DNM3: variants seen among roughly 807,000 people sequenced by gnomAD.
The protein encoded by DNM3 is dynamin 3, also known as dynamin-3.
DNM3 carries 47 observed loss-of-function variants against 101.6 expected under a neutral mutation model. The ratio of observed to expected loss-of-function variants is 0.46; its 90% CI spans 0.37 to 0.59. The LOEUF (loss-of-function observed/expected upper bound fraction) is 0.59, where lower values mean the gene tolerates loss of function less well. Among genes scored for constraint, DNM3 ranks in the 20% least tolerant of loss-of-function variants. The pLI is 0.00. For missense variants in DNM3, 849 were observed against 1,085.7 expected (o/e 0.78, Z 3.06); for synonymous variants, 385 against 387.9 (o/e 0.99, Z 0.09).
chr1:172,018,127 G>A (rs926170251), intron 4 of DNM3, among the ~76,000 whole-genome samples: 10 of 151,932 alleles, frequency 6.6e-5, no homozygotes, highest in Non-Finnish European at 1.0e-4. Context: ...ATATATAGTT[G>A]TATCTTGTTG....
chr1:172,359,255 G>A (rs556027903), intron 17 of DNM3, among the ~76,000 whole-genome samples: 3 of 152,026 alleles, frequency 2.0e-5, no homozygotes, highest in African/African-American at 7.2e-5. Context: ...CCAGCCAGCC[G>A]TTGTGTAAGC....
intron 4 of DNM3, among the ~76,000 whole-genome samples, chr1:172,004,308 A>G (rs148569235): frequency 4.6e-4 from 70 of 152,160 alleles, no homozygotes; most frequent in Middle Eastern, 3.4e-3. Flanking sequence ...TACAGCTGGA[A>G]CAAGTCCAGG....
chr1:172,374,039 A>G (rs2068482610), intron 17 of DNM3, among the ~76,000 whole-genome samples: 1 of 152,000 alleles, frequency 6.6e-6, no homozygotes, highest in South Asian at 2.1e-4. Context: ...TAGCTCCCCA[A>G]CTTTGGGACA....
intron 6 of DNM3, among the ~76,000 whole-genome samples, chr1:172,033,989 C>T (rs184935627): frequency 3.3e-5 from 5 of 152,264 alleles, no homozygotes; most frequent in Admixed American, 2.0e-4. Flanking sequence ...TGATCAGCAG[C>T]CTTTCTCACA....
intron 17 of DNM3, chr1:172,376,690 A>G (rs1029847082): frequency 6.6e-6 from 1 of 152,086 alleles, no homozygotes; most frequent in Non-Finnish European, 1.5e-5. Context: ...ACTCCCCATC[A>G]TGTCCACTGT....
chr1:171,871,510 G>T (rs528220203), intron 1 of DNM3, among the ~76,000 whole-genome samples: 37 of 152,292 alleles, frequency 2.4e-4, no homozygotes, highest in African/African-American at 8.7e-4. Flanking sequence ...TGGGATCATT[G>T]TTCAGTGCAT....
intron 14 of DNM3, among the ~76,000 whole-genome samples, chr1:172,174,391 T>C (rs2059078779): frequency 6.6e-6 from 1 of 151,690 alleles, no homozygotes; most frequent in Non-Finnish European, 1.5e-5. Context: ...GAATATGCTC[T>C]GTTTTGAAAT....
chr1:172,098,670 G>A (rs775940557), intron 13 of DNM3, among the ~76,000 whole-genome samples: 9 of 152,202 alleles, frequency 5.9e-5, no homozygotes, highest in Non-Finnish European at 1.2e-4. Context: ...TTCAAAGACT[G>A]CAGTAAAGAC....
intron 20 of DNM3, among the ~76,000 whole-genome samples, chr1:172,392,305 A>G (rs1282419011): frequency 6.6e-6 from 1 of 152,236 alleles, no homozygotes; most frequent in Non-Finnish European, 1.5e-5. Flanking sequence ...TTGAGTATAC[A>G]CAAATCAGTG....
intron 14 of DNM3, among the ~76,000 whole-genome samples, chr1:172,180,269 G>A (rs2059298221): frequency 6.6e-6 from 1 of 152,086 alleles, no homozygotes; most frequent in African/African-American, 2.4e-5. Context: ...TTTACTGCAT[G>A]CTAACCAACA....
chr1:171,977,398 T>G (rs2044456779), intron 2 of DNM3, among the ~76,000 whole-genome samples: 1 of 152,150 alleles, frequency 6.6e-6, no homozygotes, highest in African/African-American at 2.4e-5. Context: ...ACAGATGTGT[T>G]GCGAACAGCA....
intron 1 of DNM3, among the ~76,000 whole-genome samples, chr1:171,847,620 T>G (rs2032326000): frequency 6.6e-6 from 1 of 152,150 alleles, no homozygotes; most frequent in Non-Finnish European, 1.5e-5. Flanking sequence ...AGATCAAGTA[T>G]TTTATAAGGA....
At chr1:172,413,207 C>T (rs2071305639), downstream of DNM3, among the ~76,000 whole-genome samples, 1 of 152,160 alleles carries the variant, frequency 6.6e-6, no homozygotes, top group Non-Finnish European at 1.5e-5. Flanking sequence ...CAATTTGCCC[C>T]TTTCAGTTTC....
intron 13 of DNM3, among the ~76,000 whole-genome samples, chr1:172,121,845 G>C (rs1450342607): frequency 1.3e-5 from 2 of 152,136 alleles, no homozygotes; most frequent in African/African-American, 2.4e-5. Context: ...TTAAATATTG[G>C]TTCCTTATTT....
chr1:171,844,920 T>C (rs181414140), intron 1 of DNM3, among the ~76,000 whole-genome samples: 98 of 152,332 alleles, frequency 6.4e-4, no homozygotes, highest in Non-Finnish European at 5.6e-4. Flanking sequence ...ATGGTTAACA[T>C]TTATAGAGTG....
chr1:172,081,883 G>T lies in DNM3; in HGVS notation c.1474G>T (p.Asp492Tyr), dbSNP rs753222273. Reference protein sequence around the residue: ...QVSYINTNHEDFIGFANAQQR... With the variant: ...QVSYINTNHEYFIGFANAQQR... ...CTCTTACATCAACACCAACCATGAA[G>T]ACTTCATTGGCTTCGCAAAGTACGT... Residue 492 changes from aspartate to tyrosine, a missense_variant, in exon 12 of 21, where the codon GAC (aspartate) becomes TAC (tyrosine). Asp to Tyr is a radical substitution (Grantham distance 160). This residue lies in a region of DNM3 where 193 missense variants were observed against 238.4 expected (regional missense o/e 0.81). Coordinates refer to ENST00000627582, the MANE Select transcript of DNM3 (RefSeq NM_015569.5). 6.2e-7 allele frequency: 1 copy of T among 1,613,150 alleles called. No individual in the cohort carries two copies. The highest frequency in any genetic ancestry group is 8.5e-7 in the Non-Finnish European group (1 of 1,179,502).
intron 15 of DNM3, among the ~76,000 whole-genome samples, chr1:172,273,143 TG>T (rs2063147830): frequency 6.6e-6 from 1 of 152,060 alleles, no homozygotes; most frequent in Non-Finnish European, 1.5e-5. Context: ...AAGCTTTATT[TG>T]TAGTTTTAAT....
At chr1:172,329,489 G>T (rs981565384) in intron 17 of DNM3, among the ~76,000 whole-genome samples, 10 of 152,170 alleles carry the variant, frequency 6.6e-5, no homozygotes, top group Middle Eastern at 6.8e-3. Context: ...TGAATTATTT[G>T]TTTAATGGAA....
intron 1 of DNM3, among the ~76,000 whole-genome samples, chr1:171,894,170 C>G (rs1309120858): frequency 1.3e-5 from 2 of 151,072 alleles, no homozygotes; most frequent in African/African-American, 4.9e-5. Context: ...GTTGGCCAGG[C>G]TGGTCTGGAG....
Sources: allele counts gnomAD v4.1 joint callset (sites outside exome capture counted in the v4.1 genomes callset), GRCh38; gene constraint gnomAD v4.1.1; regional missense constraint gnomAD v4.1.1; transcripts MANE v1.5; gene names NCBI Gene and HGNC (gene_info 2026-07-23, HGNC 2026-07-21).